TDRP: variants seen among roughly 807,000 people sequenced by gnomAD.
TDRP encodes the protein testis development-related protein.
In TDRP, 12 loss-of-function variants were observed where a neutral mutation model predicts 10.5. The observed-to-expected ratio is 1.15, with a 90% CI of 0.73 to 1.86. The LOEUF is 1.86. Ranked by LOEUF, TDRP falls within the 40% of genes most tolerant of loss-of-function variation. TDRP has a pLI of 0.00. For synonymous variants in TDRP, 139 were observed against 95.4 expected (o/e 1.46, Z -2.67); for missense variants, 353 against 229.2 (o/e 1.54, Z -3.49).
intron 1 of TDRP, among the ~76,000 whole-genome samples, chr8:512,003 T>G (rs1385149764): frequency 1.3e-5 from 2 of 151,676 alleles, no homozygotes. Context: ...CTTAAGGCAG[T>G]GGAAAAAGAG....
intron 1 of TDRP, among the ~76,000 whole-genome samples, chr8:510,166 A>T (rs1387893010): frequency 6.6e-6 from 1 of 152,174 alleles, no homozygotes; most frequent in Non-Finnish European, 1.5e-5. Flanking sequence ...ACTGGGGTTT[A>T]AATAGGTACG....
At chr8:541,728 G>C (rs933226795) in intron 1 of TDRP, among the ~76,000 whole-genome samples, 1 of 152,178 alleles carries the variant, frequency 6.6e-6, no homozygotes, top group Non-Finnish European at 1.5e-5. Flanking sequence ...CTACTAGGAT[G>C]GACAAAGTCT....
At chr8:539,813 G>C (rs1357076415) in intron 1 of TDRP, among the ~76,000 whole-genome samples, 1 of 152,154 alleles carries the variant, frequency 6.6e-6, no homozygotes, top group Non-Finnish European at 1.5e-5. Context: ...GAGCCTCACA[G>C]TGTCATAAAA....
chr8:539,109 C>A (rs948516150), intron 1 of TDRP, among the ~76,000 whole-genome samples: 1 of 152,176 alleles, frequency 6.6e-6, no homozygotes, highest in Admixed American at 6.5e-5. Context: ...TGTATATCCA[C>A]GTAAGGAAAT....
intron 1 of TDRP, among the ~76,000 whole-genome samples, chr8:535,785 G>A (rs1459413466): frequency 1.5e-5 from 2 of 137,810 alleles, no homozygotes; most frequent in East Asian, 2.3e-4. Flanking sequence ...GGGCCCACCC[G>A]AGGCAGGTCT....
In TDRP at chr8:490,976, G is replaced by A. The variant is rs1431933068; in HGVS notation, c.*1423C>T. ...GGTGAATAGATACGGATGATTGATA[G>A]GTATAAGTGATTGACACAGATTATA... is the stretch of plus-strand genomic sequence containing the variant. On this transcript the variant is annotated 3_prime_UTR_variant, in exon 3 of 3. Coordinates refer to ENST00000324079, the MANE Select transcript of TDRP (RefSeq NM_001384899.1). The A allele has an allele frequency of 1.3e-5, 2 of 152,194 alleles. No individual in the cohort carries two copies. The highest frequency in any genetic ancestry group is 2.9e-5 in the Non-Finnish European group (2 of 68,042). The allele number at this position is 152,194 out of a possible 1,614,324, so 9.4% of individuals were successfully genotyped here.
In TDRP at chr8:544,827, G is replaced by A. The variant is rs1304275297; in HGVS notation, c.-70C>T. On this transcript the variant is annotated 5_prime_UTR_variant, in exon 1 of 3. Coordinates refer to ENST00000324079, the MANE Select transcript of TDRP (RefSeq NM_001384899.1). ...GGCTCCGCGTCCCTCCCGGCCGCCG[G>A]ACGCTCTGCCTGCGGCTCCTGCGGG... is the stretch of plus-strand genomic sequence containing the variant. 6 of 1,130,080 alleles carry A rather than the reference G, an allele frequency of 5.3e-6. No homozygotes were observed. The highest frequency in any genetic ancestry group is 4.5e-5 in the South Asian group (1 of 22,418). The allele number at this position is 1,130,080 out of a possible 1,614,324, so 70.0% of individuals were successfully genotyped here. A position where few individuals can be genotyped will look rare whatever the true frequency, so the allele number is the denominator to read the frequency against.
At chr8:508,793 T>A (rs1801534709) in intron 1 of TDRP, among the ~76,000 whole-genome samples, 2 of 152,198 alleles carry the variant, frequency 1.3e-5, no homozygotes, top group African/African-American at 4.8e-5. Context: ...CATTTCAGCA[T>A]TAACTCAAAA....
chr8:508,937 G>C (rs1048431521), intron 1 of TDRP, among the ~76,000 whole-genome samples: 3 of 152,198 alleles, frequency 2.0e-5, no homozygotes, highest in African/African-American at 7.2e-5. Context: ...GCTTCAAATG[G>C]GAGAAACTGG....
chr8:512,147 C>G (rs973183494), intron 1 of TDRP, among the ~76,000 whole-genome samples: 1 of 151,940 alleles, frequency 6.6e-6, no homozygotes, highest in African/African-American at 2.4e-5. Context: ...AAATTGGGGC[C>G]GGATGCAGTG....
chr8:519,006 GC>G (rs2116813759), intron 1 of TDRP, among the ~76,000 whole-genome samples: 1 of 152,240 alleles, frequency 6.6e-6, no homozygotes, highest in East Asian at 1.9e-4. Context: ...CACCAGAAAT[GC>G]CAACACCTTG....
intron 1 of TDRP, among the ~76,000 whole-genome samples, chr8:496,136 C>T (rs1012912366): frequency 6.6e-6 from 1 of 152,160 alleles, no homozygotes; most frequent in Non-Finnish European, 1.5e-5. Flanking sequence ...ACCAAAGAAA[C>T]CATCACAGCA....
At chr8:498,443 T>A (rs1801193449) in intron 1 of TDRP, among the ~76,000 whole-genome samples, 1 of 152,152 alleles carries the variant, frequency 6.6e-6, no homozygotes, top group Non-Finnish European at 1.5e-5. Flanking sequence ...ATTTTTCCCT[T>A]TTGTTGTGGG....
chr8:541,139 T>C (rs1316326134), intron 1 of TDRP, among the ~76,000 whole-genome samples: 1 of 152,370 alleles, frequency 6.6e-6, no homozygotes, highest in East Asian at 1.9e-4. Flanking sequence ...AATTCTAACA[T>C]CTTAATTCTA....
intron 1 of TDRP, among the ~76,000 whole-genome samples, chr8:541,775 A>G (rs958288001): frequency 1.3e-5 from 2 of 152,206 alleles, no homozygotes; most frequent in Non-Finnish European, 2.9e-5. Flanking sequence ...AAGGAGGTGG[A>G]GCAAAAGGAA....
At chr8:540,059 C>T (rs1028676397) in intron 1 of TDRP, among the ~76,000 whole-genome samples, 14 of 152,202 alleles carry the variant, frequency 9.2e-5, no homozygotes, top group African/African-American at 3.1e-4. Flanking sequence ...TTAGAGGCAA[C>T]TGATGAACTC....
chr8:519,527 A>G (rs896887530), intron 1 of TDRP, among the ~76,000 whole-genome samples: 1 of 151,800 alleles, frequency 6.6e-6, no homozygotes, highest in African/African-American at 2.4e-5. Context: ...CAGATCTCTA[A>G]AACTTTTTCA....
At position 492,377 on chromosome 8, in the gene TDRP, C is replaced by A. The variant is rs781486637; in HGVS notation, c.*22G>T. 1 of 1,482,876 alleles carries A rather than the reference C, an allele frequency of 6.7e-7. No homozygotes were observed. Among genetic ancestry groups the A allele is most frequent in the South Asian group, 1.4e-5 (1 of 69,270 alleles). The allele number at this position is 1,482,876 out of a possible 1,614,324, so 91.9% of individuals were successfully genotyped here. On this transcript the variant is annotated 3_prime_UTR_variant, in exon 3 of 3. Coordinates refer to ENST00000324079, the MANE Select transcript of TDRP (RefSeq NM_001384899.1). The stretch of plus-strand genomic sequence containing the variant: ...CTCATAAAAGGCCACCATGTCGGGG[C>A]ACACTTGCCACGCAGCCCCCCTCAC...
chr8:509,502 G>A lies in TDRP; in HGVS notation c.109-14905C>T, dbSNP rs567591584. On this transcript the variant is annotated intron_variant, in intron 1 of 2. Transcript: ENST00000324079. ...CCAAGGATTGGGGCTTGCACACTCT[G>A]AAACAATGGCCTGAGCTGTACCTTG... Among the ~76,000 whole-genome samples, 4 of 152,336 alleles carry A rather than the reference G, an allele frequency of 2.6e-5. No homozygotes were observed. The South Asian group carries it at 8.3e-4, about 32-fold the overall frequency.
Sources: allele counts gnomAD v4.1 joint callset (sites outside exome capture counted in the v4.1 genomes callset), GRCh38; gene constraint gnomAD v4.1.1; transcripts MANE v1.5; gene names NCBI Gene and HGNC (gene_info 2026-07-23, HGNC 2026-07-21).